Variants in CAPN14 observed in about 807,000 individuals in gnomAD.
The protein encoded by CAPN14 is calpain-14.
Under a neutral mutation model 101.3 loss-of-function variants are expected in CAPN14, and 94 were observed. The observed-to-expected ratio is 0.93, with a 90% CI of 0.79 to 1.10. The LOEUF (loss-of-function observed/expected upper bound fraction) is 1.10. Among genes scored for constraint, CAPN14 ranks in the 50% least tolerant of loss-of-function variants. CAPN14 has a pLI of 0.00. For missense variants in CAPN14, 837 were observed against 828.4 expected, an observed-to-expected ratio of 1.01 and a Z score of -0.13; for synonymous variants, 338 against 317.9, an observed-to-expected ratio of 1.06 and a Z score of -0.67.
chr2:31,214,533 T>C (rs190943254), intron 1 of CAPN14, among the ~76,000 whole-genome samples: 6 of 152,200 alleles, frequency 3.9e-5, no homozygotes, highest in Non-Finnish European at 8.8e-5. Flanking sequence ...AACATGCACC[T>C]TGGGAGAAGG....
At chr2:31,181,073 G>C in intron 16 of CAPN14, 73 bp from the exon 17 acceptor site, 1 of 1,289,198 alleles carries the variant, frequency 7.8e-7, no homozygotes, top group Non-Finnish European at 1.1e-6. Context: ...GCAGGAAGAG[G>C]CAGTGCTGCA....
intron 21 of CAPN14, among the ~76,000 whole-genome samples, chr2:31,175,475 C>A (rs1226109511): frequency 6.6e-6 from 1 of 152,224 alleles, no homozygotes; most frequent in Non-Finnish European, 1.5e-5. Context: ...GCCCACTGGA[C>A]CCTGCTCAGT....
intron 1 of CAPN14, among the ~76,000 whole-genome samples, chr2:31,231,042 G>A (rs1428474582): frequency 1.3e-5 from 2 of 152,040 alleles, no homozygotes; most frequent in Non-Finnish European, 2.9e-5. Context: ...ATGTCCACTA[G>A]GGCAAGTCCT....
chr2:31,202,982 G>A (rs1350469034), intron 3 of CAPN14, 88 bp downstream of exon 3: 5 of 1,145,300 alleles, frequency 4.4e-6, no homozygotes, highest in Admixed American at 4.4e-5. Context: ...GGGATCTCTG[G>A]CTTCTCTTCT....
intron 6 of CAPN14, among the ~76,000 whole-genome samples, chr2:31,199,796 A>C (rs1007064241): frequency 6.6e-6 from 1 of 152,202 alleles, no homozygotes; most frequent in Non-Finnish European, 1.5e-5. Context: ...TCAATGTGTG[A>C]GGTGACACAT....
chr2:31,205,609 G>A, intron 1 of CAPN14, 110 bp from the exon 2 acceptor site: 1 of 660,534 alleles, frequency 1.5e-6, no homozygotes, highest in South Asian at 1.9e-5. Flanking sequence ...GTCAGCTGGT[G>A]AGAAAGAGAC....
intron 12 of CAPN14, among the ~76,000 whole-genome samples, chr2:31,189,824 G>C (rs1681088872): frequency 1.3e-5 from 2 of 152,172 alleles, no homozygotes; most frequent in South Asian, 4.1e-4. Context: ...CATCTGCCCA[G>C]AGTCATCAGC....
At position 31,203,105 on chromosome 2, in the gene CAPN14, T is replaced by G. The variant is rs372195179; in HGVS notation, c.260A>C (p.Lys87Thr). ...LHSNPQFYFAKAKRLDLCQGI... is the reference protein window; with the variant it reads ...LHSNPQFYFATAKRLDLCQGI... Reference sequence around the variant, plus strand: ...CTGGCACAGATCCAGCCTTTTGGCCTTGGCAAAATAAAACTGGGGATTGCT... The same window carrying G: ...CTGGCACAGATCCAGCCTTTTGGCCGTGGCAAAATAAAACTGGGGATTGCT... Residue 87 changes from lysine to threonine, a missense_variant, in exon 3 of 22, where the codon AAG (lysine) becomes ACG (threonine). Physicochemically the swap from Lys to Thr is moderately conservative, Grantham distance 78. Transcript: ENST00000403897. 2.3e-4 allele frequency: 350 copies of G among 1,551,556 alleles called. 4 individuals carry two copies. Among genetic ancestry groups the G allele is most frequent in the Non-Finnish European group, 5.4e-5 (62 of 1,146,992 alleles).
chr2:31,209,351 C>A (rs60910668), intron 1 of CAPN14, among the ~76,000 whole-genome samples: 2 of 152,002 alleles, frequency 1.3e-5, no homozygotes, highest in Non-Finnish European at 2.9e-5. Flanking sequence ...GGCTATTCTC[C>A]CCTTATCTAT....
At chr2:31,187,872 T>C (rs1228064255) in intron 14 of CAPN14, 58 bp from the exon 15 acceptor site, 1 of 1,335,726 alleles carries the variant, frequency 7.5e-7, no homozygotes, top group Non-Finnish European at 1.0e-6. Flanking sequence ...CGGACTTTCG[T>C]GCACACCCTA....
intron 2 of CAPN14, among the ~76,000 whole-genome samples, chr2:31,203,835 G>T (rs1182416501): frequency 6.6e-6 from 1 of 151,046 alleles, no homozygotes; most frequent in Non-Finnish European, 1.5e-5. Context: ...TGTGGCACAG[G>T]CTTACACTTT....
chr2:31,217,827 C>T (rs137960083), upstream of CAPN14, among the ~76,000 whole-genome samples: 16 of 152,290 alleles, frequency 1.1e-4, no homozygotes, highest in Non-Finnish European at 1.8e-4. Context: ...GCACATGATA[C>T]TGCTTGCTCA....
intron 7 of CAPN14, 62 bp from the exon 8 acceptor site, chr2:31,197,396 G>T: frequency 8.7e-7 from 1 of 1,155,000 alleles, no homozygotes. Context: ...AGAGATCTGA[G>T]TGAGACTCGG....
intron 8 of CAPN14, among the ~76,000 whole-genome samples, chr2:31,195,148 G>T (rs528005486): frequency 6.6e-6 from 1 of 152,286 alleles, no homozygotes; most frequent in East Asian, 1.9e-4. Flanking sequence ...GCTGGGCAAA[G>T]TATCCGAAAG....
rs541029411 is a variant in CAPN14 at position 31,201,742 on chromosome 2, G to A, written c.551+120C>T. 10 of 1,285,438 alleles carry A rather than the reference G, an allele frequency of 7.8e-6. 1 individual carries two copies. In the South Asian group the frequency reaches 1.3e-4, roughly 17 times the overall value. The allele number at this position is 1,285,438 out of a possible 1,614,324, so 79.6% of individuals were successfully genotyped here. A position where few individuals can be genotyped will look rare whatever the true frequency, so the allele number is the denominator to read the frequency against. On this transcript the variant is annotated intron_variant, in intron 5 of 21. Coordinates refer to ENST00000403897, the MANE Select transcript of CAPN14 (RefSeq NM_001145122.2). The stretch of plus-strand genomic sequence containing the variant: ...CTGAATACGTTGTCACTTCTATGTT[G>A]GCTAAGACATGCCTCAGGATCTCAT...
upstream of CAPN14, among the ~76,000 whole-genome samples, chr2:31,220,533 A>G (rs1682830905): frequency 6.6e-6 from 1 of 152,138 alleles, no homozygotes; most frequent in Admixed American, 6.5e-5. Context: ...GCTTCATAAA[A>G]CTAACTGACG....
intron 2 of CAPN14, among the ~76,000 whole-genome samples, chr2:31,225,225 T>C (rs1473946918): frequency 6.6e-6 from 1 of 152,020 alleles, no homozygotes; most frequent in Non-Finnish European, 1.5e-5. Context: ...ATAAAATATA[T>C]ACTGATTTTT....
chr2:31,181,319 G>T (rs978567867), intron 16 of CAPN14, among the ~76,000 whole-genome samples: 2 of 151,830 alleles, frequency 1.3e-5, no homozygotes, highest in Non-Finnish European at 2.9e-5. Flanking sequence ...AGATCCAAGA[G>T]GTCAACTTGT....
intron 8 of CAPN14, among the ~76,000 whole-genome samples, chr2:31,196,262 G>T (rs914066352): frequency 6.6e-6 from 1 of 152,200 alleles, no homozygotes. Context: ...CACACAGCTA[G>T]AAAGTAACAA....
Sources: allele counts gnomAD v4.1 joint callset (sites outside exome capture counted in the v4.1 genomes callset), GRCh38; gene constraint gnomAD v4.1.1; transcripts MANE v1.5; gene names NCBI Gene and HGNC (gene_info 2026-07-23, HGNC 2026-07-21).